Variants in PRDM11 observed in about 807,000 individuals in gnomAD.
The protein encoded by PRDM11 is PR domain-containing protein 11.
In PRDM11, 20 loss-of-function variants were observed where a neutral mutation model predicts 97.8. That is an observed-to-expected ratio of 0.20 (90% CI 0.14 to 0.30). The LOEUF (loss-of-function observed/expected upper bound fraction) is 0.30, where lower values mean the gene tolerates loss of function less well. Among genes scored for constraint, PRDM11 ranks in the 10% least tolerant of loss-of-function variants. The pLI, the probability that PRDM11 is intolerant of heterozygous loss-of-function variation, is 1.00. For missense variants in PRDM11, 1,139 were observed against 1,555.2 expected (o/e 0.73, Z 4.50); for synonymous variants, 599 against 637.7 (o/e 0.94, Z 0.91).
At chr11:45,225,771 T>A (rs1590479726) in intron 7 of PRDM11, among the ~76,000 whole-genome samples, 1 of 152,106 alleles carries the variant, frequency 6.6e-6, no homozygotes, top group African/African-American at 2.4e-5. Flanking sequence ...ATCTGGTGGG[T>A]GTGACAAGGC....
intron 6 of PRDM11, among the ~76,000 whole-genome samples, chr11:45,221,783 G>T (rs1191651578): frequency 6.6e-6 from 1 of 152,226 alleles, no homozygotes; most frequent in Non-Finnish European, 1.5e-5. Context: ...CAGTGGGGCA[G>T]TTTCACAGCT....
chr11:45,158,745 A>T (rs572137812), intron 1 of PRDM11, among the ~76,000 whole-genome samples: 1 of 150,298 alleles, frequency 6.7e-6, no homozygotes, highest in African/African-American at 2.5e-5. Flanking sequence ...CCCTTCCCCA[A>T]AGCTGATCCT....
At chr11:45,184,517 T>C (rs2135743281) in intron 4 of PRDM11, among the ~76,000 whole-genome samples, 1 of 152,260 alleles carries the variant, frequency 6.6e-6, no homozygotes. Context: ...CCAAACGAAC[T>C]GCTTTGTGAA....
chr11:45,224,887 C>T, intron 7 of PRDM11, 44 bp downstream of exon 7: 1 of 1,605,742 alleles, frequency 6.2e-7, no homozygotes, highest in Non-Finnish European at 8.5e-7. Context: ...GCAGAGTACG[C>T]AGTGGGCTGT....
intron 4 of PRDM11, among the ~76,000 whole-genome samples, chr11:45,189,230 C>T (rs752526257): frequency 3.3e-5 from 5 of 152,120 alleles, no homozygotes; most frequent in Non-Finnish European, 7.4e-5. Context: ...GTAAGTTTTT[C>T]GTTCAGACCT....
chr11:45,185,447 T>C (rs1852669822), intron 4 of PRDM11, among the ~76,000 whole-genome samples: 1 of 152,170 alleles, frequency 6.6e-6, no homozygotes, highest in Non-Finnish European at 1.5e-5. Context: ...AGAAGTTTGG[T>C]TACAGATAAG....
intron 1 of PRDM11, among the ~76,000 whole-genome samples, chr11:45,159,327 C>A (rs985204130): frequency 3.3e-5 from 5 of 152,236 alleles, no homozygotes; most frequent in Non-Finnish European, 5.9e-5. Context: ...AGTCTGGCTG[C>A]TTCTGGAGCT....
In PRDM11 at chr11:45,229,459, T is replaced by TACACAGACACACACACAC. The variant is rs71038838; in HGVS notation, c.*1342_*1359dup. On this transcript the variant is annotated 3_prime_UTR_variant, in exon 8 of 8. Transcript: ENST00000683152. Reference sequence around the variant, plus strand: ...AGAGAGGACTCTCAAGGCATCAGCCTACACAGACACACACACACACACAGA... The same window carrying TACACAGACACACACACAC: ...AGAGAGGACTCTCAAGGCATCAGCCTACACAGACACACACACACACACAGACACACACACACACACAGA... 2 of 148,482 alleles carry TACACAGACACACACACAC rather than the reference T, an allele frequency of 1.3e-5. No homozygotes were observed. The highest frequency in any genetic ancestry group is 3.0e-5 in the Non-Finnish European group (2 of 67,340). 9.2% of individuals were successfully genotyped at this position (148,482 alleles called of 1,614,324 possible).
At chr11:45,116,961 C>G (rs961647198) in intron 1 of PRDM11, among the ~76,000 whole-genome samples, 47 of 152,166 alleles carry the variant, frequency 3.1e-4, no homozygotes, top group Admixed American at 1.7e-3. Flanking sequence ...CAATGGCTCA[C>G]GCCTGTAATC....
At chr11:45,195,210 A>G (rs1853076045) in intron 4 of PRDM11, among the ~76,000 whole-genome samples, 1 of 152,164 alleles carries the variant, frequency 6.6e-6, no homozygotes, top group Non-Finnish European at 1.5e-5. Flanking sequence ...TAACAGCTTT[A>G]TTGAGATGTA....
At chr11:45,105,780 G>A (rs755561068) in intron 1 of PRDM11, among the ~76,000 whole-genome samples, 2 of 152,204 alleles carry the variant, frequency 1.3e-5, no homozygotes, top group Non-Finnish European at 2.9e-5. Context: ...CAAGGCAGTG[G>A]AGGAGCCCAT....
chr11:45,119,088 A>G (rs1231107360), intron 1 of PRDM11, among the ~76,000 whole-genome samples: 2 of 152,182 alleles, frequency 1.3e-5, no homozygotes, highest in Non-Finnish European at 2.9e-5. Flanking sequence ...ATTCTTCCAC[A>G]GAAGTTTTCT....
rs1031621187 is a variant in PRDM11, at chr11:45,234,969, A to G, written c.*6810A>G. ...GTTATTATTTTGCAGACTACGCTTT[A>G]TAGTACCTGTGTGACGGGACCTAGA... On this transcript the variant is annotated 3_prime_UTR_variant, in exon 8 of 8. Transcript: ENST00000683152. 6.6e-6 allele frequency: 1 copy of G among 152,244 alleles called. No individual in the cohort carries two copies. The highest frequency in any genetic ancestry group is 2.4e-5 in the African/African-American group (1 of 41,454). 9.4% of individuals were successfully genotyped at this position (152,244 alleles called of 1,614,324 possible). A position where few individuals can be genotyped will look rare whatever the true frequency, so the allele number is the denominator to read the frequency against.
Position 45,231,999 on chromosome 11 carries a change from C to G in PRDM11, c.*3840C>G, listed in dbSNP as rs1406088304. 6.6e-6 allele frequency: 1 copy of G among 152,116 alleles called. No individual in the cohort carries two copies. The highest frequency in any genetic ancestry group is 2.4e-5 in the African/African-American group (1 of 41,410). 9.4% of individuals were successfully genotyped at this position (152,116 alleles called of 1,614,324 possible). A position where few individuals can be genotyped will look rare whatever the true frequency, so the allele number is the denominator to read the frequency against. On this transcript the variant is annotated 3_prime_UTR_variant, in exon 8 of 8. Transcript: ENST00000683152. ...GTGCTGGGCCCTGGAATCTATGGCA[C>G]TTGGGGGTCTCTGACCTCAGCCTCT...
At chr11:45,143,336 G>A (rs1487719), upstream of PRDM11, among the ~76,000 whole-genome samples, 19,969 of 152,154 alleles carry the variant, frequency 0.13, 1,499 homozygotes, top group Middle Eastern at 0.22. Context: ...TACTAGTAGG[G>A]GGTGGAGGGA....
chr11:45,156,382 G>C (rs753181632), intron 1 of PRDM11, among the ~76,000 whole-genome samples: 1 of 152,228 alleles, frequency 6.6e-6, no homozygotes, highest in African/African-American at 2.4e-5. Flanking sequence ...CTGGGGTCCA[G>C]ACGTACACAC....
intron 1 of PRDM11, among the ~76,000 whole-genome samples, chr11:45,140,340 C>A (rs1378756756): frequency 6.6e-6 from 1 of 152,200 alleles, no homozygotes; most frequent in African/African-American, 2.4e-5. Context: ...TGACTGTAGT[C>A]CCCCAGGAGT....
In PRDM11 at chr11:45,156,035, C is replaced by T. The variant is rs542477500; in HGVS notation, c.-7+9158C>T. On this transcript the variant is annotated intron_variant, in intron 1 of 7. Coordinates refer to ENST00000683152, the MANE Select transcript of PRDM11 (RefSeq NM_001384648.1). ...TGAAAGGCTGAGCCAGGATATGAAC[C>T]TAGGTCTGTCTGATTCCAGAGTCTG... 6.6e-5 allele frequency among the ~76,000 whole-genome samples: 10 copies of T among 152,280 alleles called. No individual in the cohort carries two copies. The South Asian group carries it at 1.0e-3, about 16-fold the overall frequency.
intron 1 of PRDM11, among the ~76,000 whole-genome samples, chr11:45,174,837 C>T (rs1852289555): frequency 6.6e-6 from 1 of 152,202 alleles, no homozygotes. Flanking sequence ...AAAATATATC[C>T]TCCCAGACCC....
Sources: allele counts gnomAD v4.1 joint callset (sites outside exome capture counted in the v4.1 genomes callset), GRCh38; gene constraint gnomAD v4.1.1; transcripts MANE v1.5; gene names NCBI Gene and HGNC (gene_info 2026-07-23, HGNC 2026-07-21).